Variants in EFCAB7 observed in about 807,000 individuals in gnomAD.
EFCAB7 encodes the protein EF-hand calcium binding domain 7, also known as EF-hand calcium-binding domain-containing protein 7.
In EFCAB7, 66 loss-of-function variants were observed where a neutral mutation model predicts 77.1. The ratio of observed to expected loss-of-function variants is 0.86; its 90% CI spans 0.70 to 1.05. The LOEUF (loss-of-function observed/expected upper bound fraction) is 1.05. Among genes scored for constraint, EFCAB7 ranks in the 50% least tolerant of loss-of-function variants. EFCAB7 has a pLI of 0.00. For missense variants in EFCAB7, 638 were observed against 730.5 expected (o/e 0.87, Z 1.46); for synonymous variants, 225 against 243.3 (o/e 0.92, Z 0.70).
At position 63,525,576 on chromosome 1, in the gene EFCAB7, G is replaced by T; in HGVS notation, c.4G>T (p.Ala2Ser). The T allele has an allele frequency of 6.7e-7, 1 of 1,491,642 alleles. No individual in the cohort carries two copies. The highest frequency in any genetic ancestry group is 2.7e-5 in the Admixed American group (1 of 37,666). 92.4% of individuals were successfully genotyped at this position (1,491,642 alleles called of 1,614,324 possible). M[A>S]ISPRSDATFS... ...TTTTAAATTATTTTCCAATAGAATG[G>T]CGATCAGTCCACGAAGCGATGCAAC... Residue 2 changes from alanine to serine, a missense_variant, in exon 2 of 14, where the codon GCG becomes TCG. By Grantham distance (99) the Ala-to-Ser change is moderately conservative (BLOSUM62 1). Coordinates refer to ENST00000371088, the MANE Select transcript of EFCAB7 (RefSeq NM_032437.4).
At position 63,532,724 on chromosome 1, in the gene EFCAB7, G is replaced by A; in HGVS notation, c.454G>A (p.Val152Ile). 6.2e-7 allele frequency: 1 copy of A among 1,605,662 alleles called. No homozygotes were observed. Among genetic ancestry groups the A allele is most frequent in the Non-Finnish European group, 8.5e-7 (1 of 1,176,762 alleles). Reference protein sequence around the residue: ...EVNAIINLADVNADGKFDYIK... With the variant: ...EVNAIINLADINADGKFDYIK... ...AAATGCCATAATAAATTTGGCTGATGTAAATGCTGATGGCAAATTTGACTA... is the reference window on the plus strand; with the variant it reads ...AAATGCCATAATAAATTTGGCTGATATAAATGCTGATGGCAAATTTGACTA... The change falls in exon 4 of 14, where the codon GTA becomes ATA. Residue 152 changes from valine (V) to isoleucine (I), a missense_variant. Physicochemically the swap from Val to Ile is conservative, Grantham distance 29. Transcript: ENST00000371088.
At chr1:63,561,952 C>T in intron 11 of EFCAB7, 95 bp downstream of exon 11, 1 of 914,370 alleles carries the variant, frequency 1.1e-6, no homozygotes, top group Non-Finnish European at 1.5e-6. Context: ...AATTGGGCAC[C>T]CAAATCTTTG....
rs143257051 is a variant in EFCAB7 at position 63,525,708 on chromosome 1, G to A, written c.136G>A (p.Val46Ile). Reference sequence around the variant, plus strand: ...GAATTGTAGAGCTGCCTACTTAACTGTCTTCAAAAGCAGCTTGGAAAACAT... The same window carrying A: ...GAATTGTAGAGCTGCCTACTTAACTATCTTCAAAAGCAGCTTGGAAAACAT... ...YMNCRAAYLTVFKSSLENIIS... is the reference protein window; with the variant it reads ...YMNCRAAYLTIFKSSLENIIS... The change falls in exon 2 of 14, where the codon GTC becomes ATC. Residue 46 changes from valine to isoleucine, a missense_variant. By Grantham distance (29) the Val-to-Ile change is conservative. Transcript: ENST00000371088. The A allele has an allele frequency of 3.7e-4, 594 of 1,586,346 alleles. No individual in the cohort carries two copies. Among genetic ancestry groups the A allele is most frequent in the African/African-American group, 3.5e-3 (253 of 72,770 alleles).
the EFCAB7 span, among the ~76,000 whole-genome samples, chr1:63,579,560 C>T: frequency 6.6e-6 from 1 of 152,108 alleles, no homozygotes; most frequent in Non-Finnish European, 1.5e-5. Context: ...ATAGTAGATA[C>T]CCACAGGTAG....
chr1:63,525,970 TG>T (rs1187359327), intron 2 of EFCAB7, among the ~76,000 whole-genome samples: 1 of 152,162 alleles, frequency 6.6e-6, no homozygotes, highest in Non-Finnish European at 1.5e-5. Context: ...ACAAACTAGA[TG>T]GGTAATTGAA....
chr1:63,549,168 C>T, intron 7 of EFCAB7: 1 of 306,834 alleles, frequency 3.3e-6, no homozygotes, highest in Non-Finnish European at 6.6e-6. Context: ...TTCTGGAGAA[C>T]AGCCTCACTT....
chr1:63,569,650 C>T (rs1032776631), intron 12 of EFCAB7: 11 of 152,214 alleles, frequency 7.2e-5, no homozygotes, highest in African/African-American at 2.7e-4. Flanking sequence ...GTGAGAATAT[C>T]TGCTTTGCAG....
Position 63,551,861 on chromosome 1 carries a change from A to G in EFCAB7, c.1056+27A>G, listed in dbSNP as rs748001444. 30 of 1,422,620 alleles carry G rather than the reference A, an allele frequency of 2.1e-5. 1 individual carries two copies. In the South Asian group the frequency reaches 4.1e-4, roughly 19 times the overall value. 88.1% of individuals were successfully genotyped at this position (1,422,620 alleles called of 1,614,324 possible). A position where few individuals can be genotyped will look rare whatever the true frequency, so the allele number is the denominator to read the frequency against. The stretch of plus-strand genomic sequence containing the variant: ...TATACATATTTATTTTCTAATGTTT[A>G]ATTTTTAAATATAGTATGAACTGCA... On this transcript the variant is annotated intron_variant, in intron 8 of 13. Coordinates refer to ENST00000371088, the MANE Select transcript of EFCAB7 (RefSeq NM_032437.4).
At chr1:63,530,838 G>A (rs569382841) in intron 2 of EFCAB7, among the ~76,000 whole-genome samples, 1 of 152,252 alleles carries the variant, frequency 6.6e-6, no homozygotes, top group African/African-American at 2.4e-5. Context: ...ATTCTTAAAT[G>A]AATGATTTTC....
In EFCAB7 at chr1:63,545,970, A is replaced by C; in HGVS notation, c.859A>C (p.Ile287Leu). The change falls in exon 7 of 14, where the codon ATC (isoleucine) becomes CTC (leucine). Residue 287 changes from isoleucine to leucine, a missense_variant. Ile to Leu is a conservative substitution (Grantham distance 5). Coordinates refer to ENST00000371088, the MANE Select transcript of EFCAB7 (RefSeq NM_032437.4). ...GCFFLEEDGE[I>L]ISHQYRMQIA... is the part of the protein sequence containing the mutation. Reference sequence around the variant, plus strand: ...CTTCTTCTTAGAAGAAGATGGTGAAATCATTAGTCATCAGTACAGGATGCA... The same window carrying C: ...CTTCTTCTTAGAAGAAGATGGTGAACTCATTAGTCATCAGTACAGGATGCA... 1 of 1,613,910 alleles carries C rather than the reference A, an allele frequency of 6.2e-7. No homozygotes were observed. Among genetic ancestry groups the C allele is most frequent in the Non-Finnish European group, 8.5e-7 (1 of 1,179,850 alleles).
At chr1:63,584,837 G>T in the EFCAB7 span, among the ~76,000 whole-genome samples, 6 of 152,180 alleles carry the variant, frequency 3.9e-5, no homozygotes. Flanking sequence ...TAAGTTTGGG[G>T]GGAGTCAAAA....
At chr1:63,534,044 C>T (rs1377554323) in intron 5 of EFCAB7, 51 bp from the exon 6 acceptor site, 1 of 1,604,638 alleles carries the variant, frequency 6.2e-7, no homozygotes, top group Non-Finnish European at 8.5e-7. Context: ...GAAAAAACTC[C>T]TATTGACAAC....
At position 63,563,949 on chromosome 1, in the gene EFCAB7, T is replaced by C. The variant is rs146973215; in HGVS notation, c.1497+2092T>C. ...ATTTGAGAAGTGAAACTTACATGTTTAGTTTTGCCCCCCTTTTTTTTCTGT... is the reference window on the plus strand; with the variant it reads ...ATTTGAGAAGTGAAACTTACATGTTCAGTTTTGCCCCCCTTTTTTTTCTGT... On this transcript the variant is annotated intron_variant, in intron 11 of 13. Transcript: ENST00000371088. 7.8e-3 allele frequency among the ~76,000 whole-genome samples: 1,189 copies of C among 152,264 alleles called. 13 individuals are homozygous for C. Among genetic ancestry groups the C allele is most frequent in the African/African-American group, 0.026 (1,076 of 41,578 alleles).
intron 8 of EFCAB7, 193 bp downstream of exon 8, chr1:63,552,027 A>AT (rs1193520787): frequency 1.8e-4 from 33 of 186,400 alleles, no homozygotes; most frequent in African/African-American, 7.1e-4. Context: ...AATTATAAGG[A>AT]TTTTTTCTTG....
the EFCAB7 span, among the ~76,000 whole-genome samples, chr1:63,583,938 CA>C: frequency 0.2 from 16,406 of 82,552 alleles, 648 homozygotes; most frequent in South Asian, 0.26. Flanking sequence ...TGGATATGGC[CA>C]AAAAAAAAAA....
At chr1:63,547,504 G>A (rs1051719176) in intron 7 of EFCAB7, 6 of 152,122 alleles carry the variant, frequency 3.9e-5, no homozygotes, top group Non-Finnish European at 5.9e-5. Flanking sequence ...AAATGGAGTG[G>A]TTAGTATATG....
At chr1:63,535,833 G>A (rs1184930363) in intron 6 of EFCAB7, among the ~76,000 whole-genome samples, 2 of 151,938 alleles carry the variant, frequency 1.3e-5, no homozygotes, top group African/African-American at 2.4e-5. Flanking sequence ...GTATGGGAAC[G>A]ACATGATGAA....
chr1:63,534,074 A>G (rs1177622839), intron 5 of EFCAB7, 21 bp from the exon 6 acceptor site: 9 of 1,612,242 alleles, frequency 5.6e-6, no homozygotes, highest in Non-Finnish European at 6.8e-6. Context: ...TGTCAGACCA[A>G]ATAATCATTA....
At chr1:63,558,676 A>G (rs1343642117) in intron 10 of EFCAB7, among the ~76,000 whole-genome samples, 2 of 152,168 alleles carry the variant, frequency 1.3e-5, no homozygotes, top group Non-Finnish European at 2.9e-5. Context: ...TGTACTGTTT[A>G]TCTGTAAGAT....
Sources: gnomAD v4.1 joint callset for allele counts (sites outside exome capture counted in the v4.1 genomes callset) on GRCh38, gnomAD v4.1.1 for gene constraint, MANE v1.5 for transcripts, NCBI Gene and HGNC (gene_info 2026-07-23, HGNC 2026-07-21) for gene names.